Variants in CNIH3 observed in about 807,000 individuals in gnomAD.
The protein encoded by CNIH3 is protein cornichon homolog 3.
A neutral mutation model predicts 24.1 loss-of-function variants in CNIH3; 14 were observed. The ratio of observed to expected loss-of-function variants is 0.58; its 90% confidence interval spans 0.38 to 0.91. The LOEUF is 0.91. Among genes scored for constraint, CNIH3 ranks in the 40% least tolerant of loss-of-function variants. The pLI is 0.00. For synonymous variants in CNIH3, 68 were observed against 73.8 expected (o/e 0.92, Z 0.40); for missense variants, 178 against 196.8 (o/e 0.90, Z 0.57).
chr1:224,584,129 T>G (rs1484297489), intron 5 of CNIH3, among the ~76,000 whole-genome samples: 3 of 152,244 alleles, frequency 2.0e-5, no homozygotes, highest in Admixed American at 2.0e-4. Flanking sequence ...CACATCATTA[T>G]TGCTGACACT....
chr1:224,598,106 C>T (rs917889207), intron 3 of CNIH3, among the ~76,000 whole-genome samples: 1 of 152,182 alleles, frequency 6.6e-6, no homozygotes, highest in Non-Finnish European at 1.5e-5. Flanking sequence ...TTCTAACATG[C>T]CATTAAGAAC....
chr1:224,565,133 C>G (rs1680528322), intron 3 of CNIH3, among the ~76,000 whole-genome samples: 1 of 152,198 alleles, frequency 6.6e-6, no homozygotes, highest in South Asian at 2.1e-4. Context: ...TTTTGCAATG[C>G]TTGAGGTCTC....
chr1:224,475,029 AAG>A (rs1676521911), intron 1 of CNIH3, among the ~76,000 whole-genome samples: 1 of 147,620 alleles, frequency 6.8e-6, no homozygotes, highest in African/African-American at 2.5e-5. Flanking sequence ...TGAGCGACAG[AAG>A]GAGACTCCAT....
chr1:224,450,619 T>C lies in CNIH3; in HGVS notation n.203+15757T>C, dbSNP rs147768344. 3.1e-3 allele frequency among the ~76,000 whole-genome samples: 473 copies of C among 152,296 alleles called. 5 individuals carry two copies. The highest frequency in any genetic ancestry group is 0.011 in the African/African-American group (454 of 41,552). On this transcript the variant is annotated intron_variant and non_coding_transcript_variant, in intron 1 of 5. Coordinates refer to the CNIH3 transcript ENST00000471578. ...ATGAAGAAAATGCCTCTAAGGGAGA[T>C]AGAACCGAAGGGAGATCATAGCTGG...
At chr1:224,656,179 G>C (rs1176264808) in intron 1 of CNIH3, among the ~76,000 whole-genome samples, 10 of 152,048 alleles carry the variant, frequency 6.6e-5, no homozygotes, top group Admixed American at 6.5e-4. Context: ...GGTCGTTGTG[G>C]GATAATGAGA....
chr1:224,459,511 G>A (rs887391656), intron 1 of CNIH3, among the ~76,000 whole-genome samples: 21 of 152,116 alleles, frequency 1.4e-4, no homozygotes, highest in Admixed American at 1.2e-3. Flanking sequence ...TCTATCTTGG[G>A]CGAGGCATTT....
At position 224,544,121 on chromosome 1, in the gene CNIH3, C is replaced by A. The variant is rs77179019; in HGVS notation, n.340-2708C>A. On this transcript the variant is annotated intron_variant and non_coding_transcript_variant, in intron 2 of 5. Coordinates refer to the CNIH3 transcript ENST00000471578. ...AAGCTTTTTGGCTCTTGGACCATGG[C>A]ATTAGCTGAGATATTTAAGCCCCAA... 3.4e-3 allele frequency among the ~76,000 whole-genome samples: 520 copies of A among 152,264 alleles called. 10 individuals are homozygous for A. In the East Asian group the frequency reaches 0.038, roughly 11 times the overall value.
chr1:224,490,797 C>T (rs1212406595), intron 1 of CNIH3, among the ~76,000 whole-genome samples: 4 of 152,124 alleles, frequency 2.6e-5, no homozygotes, highest in East Asian at 1.9e-4. Context: ...GAATGATTTG[C>T]GAATCGGGCA....
chr1:224,503,030 C>T (rs1203163358), intron 1 of CNIH3, among the ~76,000 whole-genome samples: 4 of 145,456 alleles, frequency 2.7e-5, no homozygotes, highest in Non-Finnish European at 6.0e-5. Flanking sequence ...AGGCAAACAG[C>T]TCTCCCGGGG....
intron 3 of CNIH3, among the ~76,000 whole-genome samples, chr1:224,713,485 A>G (rs1401452918): frequency 6.6e-6 from 1 of 152,156 alleles, no homozygotes; most frequent in Non-Finnish European, 1.5e-5. Flanking sequence ...GAGTCACTAA[A>G]AGGCAATATG....
intron 3 of CNIH3, among the ~76,000 whole-genome samples, chr1:224,720,964 T>C (rs544241853): frequency 6.6e-6 from 1 of 152,158 alleles, no homozygotes; most frequent in Admixed American, 6.5e-5. Context: ...CTGCCTTCCA[T>C]AGTATAACTC....
chr1:224,541,800 G>C (rs568833183), downstream of CNIH3, among the ~76,000 whole-genome samples: 2 of 149,114 alleles, frequency 1.3e-5, no homozygotes, highest in Non-Finnish European at 3.0e-5. Context: ...GCATAACTAT[G>C]ATTTATTTCT....
chr1:224,651,589 G>A (rs768107718), intron 1 of CNIH3, among the ~76,000 whole-genome samples: 11 of 152,172 alleles, frequency 7.2e-5, no homozygotes, highest in Non-Finnish European at 1.2e-4. Flanking sequence ...TTTTTAGAGT[G>A]TGTCTTGATT....
chr1:224,451,887 T>A (rs2102965549), intron 1 of CNIH3, among the ~76,000 whole-genome samples: 2 of 152,306 alleles, frequency 1.3e-5, no homozygotes, highest in African/African-American at 4.8e-5. Context: ...CATAGGAATC[T>A]GGACTTCTGG....
chr1:224,678,701 G>T (rs558818018), intron 1 of CNIH3, among the ~76,000 whole-genome samples: 21 of 151,836 alleles, frequency 1.4e-4, no homozygotes, highest in Admixed American at 9.2e-4. Flanking sequence ...GTGGTGATGG[G>T]GATGTTTTAT....
chr1:224,664,314 G>A (rs140598884), intron 1 of CNIH3, among the ~76,000 whole-genome samples: 2 of 152,262 alleles, frequency 1.3e-5, no homozygotes, highest in African/African-American at 2.4e-5. Context: ...TTAAGACCAG[G>A]GAGGGTCAAT....
At chr1:224,548,681 G>A (rs1460205554) in intron 3 of CNIH3, among the ~76,000 whole-genome samples, 1 of 150,506 alleles carries the variant, frequency 6.6e-6, no homozygotes, top group East Asian at 2.0e-4. Flanking sequence ...CCACTATCAT[G>A]ATGGCAGTAC....
chr1:224,530,627 G>A (rs1558134373), intron 2 of CNIH3, among the ~76,000 whole-genome samples: 1 of 150,794 alleles, frequency 6.6e-6, no homozygotes, highest in Non-Finnish European at 1.5e-5. Context: ...TTTAGATGGA[G>A]TCTTGCTCTG....
intron 1 of CNIH3, among the ~76,000 whole-genome samples, chr1:224,623,247 G>A (rs1181220647): frequency 6.6e-6 from 1 of 151,952 alleles, no homozygotes; most frequent in African/African-American, 2.4e-5. Flanking sequence ...TCAATGCATC[G>A]CTCCTCTAGG....
Sources: gnomAD v4.1 joint callset for allele counts (sites outside exome capture counted in the v4.1 genomes callset) on GRCh38, gnomAD v4.1.1 for gene constraint, MANE v1.5 for transcripts, NCBI Gene and HGNC (gene_info 2026-07-23, HGNC 2026-07-21) for gene names.